ZBTB7C: variants seen among roughly 807,000 people sequenced by gnomAD.
ZBTB7C encodes zinc finger and BTB domain-containing protein 7C.
A neutral mutation model predicts 25.7 loss-of-function variants in ZBTB7C; 8 were observed. That is an observed-to-expected ratio of 0.31 (90% CI 0.18 to 0.56). The LOEUF (loss-of-function observed/expected upper bound fraction) is 0.56. ZBTB7C is among the 20% of genes least tolerant of loss of function. The pLI is 0.91. For synonymous variants in ZBTB7C, 394 were observed against 369.0 expected, an observed-to-expected ratio of 1.07 and a Z score of -0.78; for missense variants, 824 against 855.2, an observed-to-expected ratio of 0.96 and a Z score of 0.46.
intron 2 of ZBTB7C, among the ~76,000 whole-genome samples, chr18:48,230,195 C>A (rs936356368): frequency 6.6e-6 from 1 of 152,218 alleles, no homozygotes; most frequent in African/African-American, 2.4e-5. Context: ...AAACAACACT[C>A]CCCTGAAGAA....
intron 2 of ZBTB7C, among the ~76,000 whole-genome samples, chr18:48,211,685 A>T (rs117095356): frequency 0.12 from 18,894 of 152,188 alleles, 1,534 homozygotes; most frequent in Non-Finnish European, 0.18. Context: ...ATCACTGACA[A>T]CACCAAATGC....
chr18:48,295,345 G>C (rs572565956), intron 2 of ZBTB7C, among the ~76,000 whole-genome samples: 1 of 152,306 alleles, frequency 6.6e-6, no homozygotes, highest in South Asian at 2.1e-4. Context: ...TTGCACAGAT[G>C]ATGTTTCTAG....
chr18:48,402,537 G>A (rs531440938), intron 1 of ZBTB7C, among the ~76,000 whole-genome samples: 2 of 152,274 alleles, frequency 1.3e-5, no homozygotes, highest in South Asian at 2.1e-4. Flanking sequence ...TTTTCCTTAC[G>A]CAAAGTACAG....
chr18:48,382,074 C>G (rs1338721644), intron 1 of ZBTB7C, among the ~76,000 whole-genome samples: 1 of 152,172 alleles, frequency 6.6e-6, no homozygotes, highest in Admixed American at 6.5e-5. Flanking sequence ...TTAATACATA[C>G]GTGCACTGTA....
At chr18:48,078,987 A>G (rs1160170256) in intron 3 of ZBTB7C, among the ~76,000 whole-genome samples, 1 of 152,210 alleles carries the variant, frequency 6.6e-6, no homozygotes, top group Non-Finnish European at 1.5e-5. Flanking sequence ...AGTTTTGACT[A>G]TTGTGAATAG....
intron 3 of ZBTB7C, among the ~76,000 whole-genome samples, chr18:48,118,944 T>C (rs1264983756): frequency 6.6e-6 from 1 of 152,206 alleles, no homozygotes; most frequent in Non-Finnish European, 1.5e-5. Flanking sequence ...GAATTACTGA[T>C]GCTTTAATCT....
intron 3 of ZBTB7C, among the ~76,000 whole-genome samples, chr18:48,173,638 C>A (rs983676034): frequency 4.6e-5 from 7 of 152,240 alleles, no homozygotes; most frequent in Non-Finnish European, 8.8e-5. Context: ...TTTAAGGAGG[C>A]ACTCACTGTC....
intron 3 of ZBTB7C, among the ~76,000 whole-genome samples, chr18:48,164,768 G>C (rs1329390482): frequency 6.6e-6 from 1 of 152,104 alleles, no homozygotes; most frequent in African/African-American, 2.4e-5. Flanking sequence ...TGTAAGTGCT[G>C]TGCACTTGGA....
At chr18:48,166,229 C>T (rs560626370) in intron 3 of ZBTB7C, among the ~76,000 whole-genome samples, 33 of 152,150 alleles carry the variant, frequency 2.2e-4, no homozygotes, top group African/African-American at 7.7e-4. Context: ...TAAGCAATAA[C>T]TTCCCAACGT....
intron 2 of ZBTB7C, among the ~76,000 whole-genome samples, chr18:48,229,004 T>C (rs561109349): frequency 6.6e-6 from 1 of 152,182 alleles, no homozygotes; most frequent in Non-Finnish European, 1.5e-5. Context: ...CACGGCAGGA[T>C]TGTGCGAGGC....
intron 3 of ZBTB7C, among the ~76,000 whole-genome samples, chr18:48,170,619 C>T (rs1006963476): frequency 1.3e-5 from 2 of 152,204 alleles, no homozygotes; most frequent in Admixed American, 6.5e-5. Context: ...CACTGGTCCT[C>T]AGACCTTTAG....
At chr18:48,356,969 C>T (rs1422468260) in intron 1 of ZBTB7C, among the ~76,000 whole-genome samples, 1 of 152,192 alleles carries the variant, frequency 6.6e-6, no homozygotes, top group Non-Finnish European at 1.5e-5. Context: ...CTGCTTTCTC[C>T]CCCACTGAAC....
intron 3 of ZBTB7C, among the ~76,000 whole-genome samples, chr18:48,167,595 T>TGTGTGTGTGTGTGTGTGC (rs1482842757): frequency 7.7e-4 from 115 of 150,304 alleles, no homozygotes; most frequent in African/African-American, 2.6e-3. Flanking sequence ...TGTGTGTGTG[T>TGTGTGTGTGTGTGTGTGC]GTGCGCGCGT....
chr18:48,165,238 A>C (rs972856666), intron 3 of ZBTB7C: 1 of 666,916 alleles, frequency 1.5e-6, no homozygotes, highest in Non-Finnish European at 2.4e-6. Context: ...CTGTTGGCCC[A>C]CAGCTTAGAG....
chr18:48,302,367 G>A (rs997393397), intron 2 of ZBTB7C, among the ~76,000 whole-genome samples: 5 of 152,140 alleles, frequency 3.3e-5, no homozygotes, highest in African/African-American at 7.2e-5. Context: ...GCCTTCAAGC[G>A]AGTCCACCTT....
intron 3 of ZBTB7C, chr18:48,150,353 G>A (rs76814116): frequency 0.15 from 22,049 of 151,976 alleles, 1,787 homozygotes; most frequent in South Asian, 0.24. Context: ...AGACCGAGGT[G>A]GGCAAATCAC....
At chr18:48,167,563 G>GGTGTGTGTGTGTGTGTGTGT (rs748451365) in intron 3 of ZBTB7C, among the ~76,000 whole-genome samples, 7 of 142,576 alleles carry the variant, frequency 4.9e-5, no homozygotes, top group East Asian at 2.1e-4. Context: ...GCATTGCTAG[G>GGTGTGTGTGTGTGTGTGTGT]GTGTGTGTGT....
intron 2 of ZBTB7C, among the ~76,000 whole-genome samples, chr18:48,229,342 G>C (rs1334364797): frequency 6.6e-6 from 1 of 152,176 alleles, no homozygotes; most frequent in Non-Finnish European, 1.5e-5. Context: ...TTGATGGATA[G>C]TTATACATTT....
intron 2 of ZBTB7C, among the ~76,000 whole-genome samples, chr18:48,241,832 C>T (rs928945861): frequency 4.0e-5 from 6 of 151,710 alleles, no homozygotes; most frequent in Non-Finnish European, 8.8e-5. Flanking sequence ...CCAAACCCAG[C>T]AGAAGAAAAG....
Sources: gnomAD v4.1 joint callset for allele counts (sites outside exome capture counted in the v4.1 genomes callset) on GRCh38, gnomAD v4.1.1 for gene constraint, MANE v1.5 for transcripts, NCBI Gene and HGNC (gene_info 2026-07-23, HGNC 2026-07-21) for gene names.